KIAA0232: variants seen among roughly 807,000 people sequenced by gnomAD.
KIAA0232 encodes the protein uncharacterized protein KIAA0232.
Under a neutral mutation model 122.0 loss-of-function variants are expected in KIAA0232, and 27 were observed. That is an observed-to-expected ratio of 0.22 (90% CI 0.16 to 0.31). KIAA0232 has a LOEUF of 0.31. KIAA0232 is among the 10% of genes least tolerant of loss of function. KIAA0232 has a pLI of 1.00. For missense variants in KIAA0232, 1,551 were observed against 1,634.2 expected (o/e 0.95, Z 0.88); for synonymous variants, 613 against 587.6 (o/e 1.04, Z -0.63).
chr4:6,847,206 T>C (rs1385630259), intron 4 of KIAA0232, among the ~76,000 whole-genome samples: 1 of 152,228 alleles, frequency 6.6e-6, no homozygotes, highest in Admixed American at 6.5e-5. Context: ...ACCATGCGTG[T>C]ATGTGACTGT....
At chr4:6,826,040 C>T (rs889964333) in intron 3 of KIAA0232, among the ~76,000 whole-genome samples, 4 of 152,066 alleles carry the variant, frequency 2.6e-5, no homozygotes, top group Admixed American at 2.0e-4. Context: ...GCCTTGAACT[C>T]CTGGGCTCAA....
chr4:6,837,492 C>T (rs1719380662), intron 3 of KIAA0232, among the ~76,000 whole-genome samples: 1 of 152,090 alleles, frequency 6.6e-6, no homozygotes, highest in Admixed American at 6.5e-5. Flanking sequence ...CAGAGACGCT[C>T]CTCACTTCCT....
At chr4:6,833,114 G>T (rs1719078767) in intron 3 of KIAA0232, among the ~76,000 whole-genome samples, 2 of 152,168 alleles carry the variant, frequency 1.3e-5, no homozygotes, top group Non-Finnish European at 2.9e-5. Context: ...GCTAGCATCT[G>T]CGGTGTTTCC....
At chr4:6,831,524 C>T (rs1363642058) in intron 3 of KIAA0232, among the ~76,000 whole-genome samples, 1 of 152,158 alleles carries the variant, frequency 6.6e-6, no homozygotes, top group Non-Finnish European at 1.5e-5. Context: ...ATATAGAGAA[C>T]AACCATGGAT....
chr4:6,802,587 G>A (rs542414207), intron 1 of KIAA0232, among the ~76,000 whole-genome samples: 16 of 148,796 alleles, frequency 1.1e-4, no homozygotes, highest in Non-Finnish European at 1.8e-4. Flanking sequence ...GTGTGTGTGT[G>A]TCTTATGTAC....
chr4:6,861,231 T>A lies in KIAA0232; in HGVS notation c.849T>A (p.Ile283=), dbSNP rs202022803. The A allele has an allele frequency of 2.0e-5, 33 of 1,614,102 alleles. No individual in the cohort carries two copies. The highest frequency in any genetic ancestry group is 2.7e-5 in the Non-Finnish European group (32 of 1,180,040). The part of the protein sequence containing the change: ...KQIRHKPEGK[I]RPRSWSSGSS... ...TCCGACATAAACCTGAAGGAAAGATTCGCCCTCGCTCGTGGTCTTCTGGCT... is the reference window on the plus strand; with the variant it reads ...TCCGACATAAACCTGAAGGAAAGATACGCCCTCGCTCGTGGTCTTCTGGCT... The change falls in exon 7 of 10, where the codon ATT becomes ATA. Residue 283 remains isoleucine, a synonymous_variant. Coordinates refer to ENST00000307659, the MANE Select transcript of KIAA0232 (RefSeq NM_014743.3).
chr4:6,878,540 A>T (rs1368560894), intron 9 of KIAA0232, among the ~76,000 whole-genome samples: 1 of 152,236 alleles, frequency 6.6e-6, no homozygotes, highest in Non-Finnish European at 1.5e-5. Flanking sequence ...TCCTCAAGAC[A>T]ATTACAGTCC....
intron 3 of KIAA0232, among the ~76,000 whole-genome samples, chr4:6,830,471 G>A (rs1043066469): frequency 2.1e-5 from 3 of 145,720 alleles, no homozygotes; most frequent in African/African-American, 7.6e-5. Flanking sequence ...GTGCAGGGGC[G>A]ATCTCAGCTC....
intron 1 of KIAA0232, among the ~76,000 whole-genome samples, chr4:6,789,611 A>G (rs889241312): frequency 6.6e-6 from 1 of 152,034 alleles, no homozygotes; most frequent in African/African-American, 2.4e-5. Flanking sequence ...TTCTTTCATT[A>G]ATTTTGTGAC....
chr4:6,865,794 C>T (rs994619907), intron 7 of KIAA0232, among the ~76,000 whole-genome samples: 1 of 152,220 alleles, frequency 6.6e-6, no homozygotes, highest in African/African-American at 2.4e-5. Flanking sequence ...TTCCCTCTCT[C>T]CCCTGCTCCA....
At position 6,859,058 on chromosome 4, in the gene KIAA0232, A is replaced by G. The variant is rs1435829603; in HGVS notation, c.518+552A>G. On this transcript the variant is annotated intron_variant, in intron 6 of 9. Transcript: ENST00000307659. ...GGTTGCAGTGAGCTGAGACTGTGCC[A>G]TTGCACTCCAGCCTGGACGACAGAG... 4.8e-5 allele frequency among the ~76,000 whole-genome samples: 7 copies of G among 147,196 alleles called. No homozygotes were observed. The South Asian group carries it at 1.1e-3, about 23-fold the overall frequency.
chr4:6,863,782 A>C lies in KIAA0232; in HGVS notation c.3400A>C (p.Asn1134His). The C allele has an allele frequency of 6.2e-7, 1 of 1,614,204 alleles. No homozygotes were observed. Among genetic ancestry groups the C allele is most frequent in the Non-Finnish European group, 8.5e-7 (1 of 1,180,024 alleles). ...SEFESEKDEA[N>H]IPIPSQVDIF... ...ATTTGAATCTGAGAAAGATGAAGCA[A>C]ATATTCCCATTCCTTCTCAAGTTGA... The change falls in exon 7 of 10, where the codon AAT becomes CAT. Residue 1134 changes from asparagine to histidine, a missense_variant. This residue lies in a region of KIAA0232 where 1,108 missense variants were observed against 1,154.8 expected (regional missense o/e 0.96). Coordinates refer to ENST00000307659, the MANE Select transcript of KIAA0232 (RefSeq NM_014743.3).
chr4:6,821,216 CT>C (rs1486499362), intron 2 of KIAA0232, among the ~76,000 whole-genome samples: 1 of 152,016 alleles, frequency 6.6e-6, no homozygotes, highest in African/African-American at 2.4e-5. Context: ...TAATTTTTTG[CT>C]TTTTATTTTT....
chr4:6,880,735 T>C, intron 9 of KIAA0232, 52 bp from the exon 10 acceptor site: 1 of 1,309,656 alleles, frequency 7.6e-7, no homozygotes, highest in Non-Finnish European at 1.0e-6. Context: ...TATCTCACCC[T>C]TTTGGGGAAA....
At chr4:6,801,103 C>A (rs1241539386) in intron 1 of KIAA0232, among the ~76,000 whole-genome samples, 1 of 152,180 alleles carries the variant, frequency 6.6e-6, no homozygotes, top group Admixed American at 6.5e-5. Context: ...TTCCCCAAAT[C>A]TTGATGTGTT....
At chr4:6,845,377 A>G (rs543793186) in intron 4 of KIAA0232, among the ~76,000 whole-genome samples, 1 of 152,198 alleles carries the variant, frequency 6.6e-6, no homozygotes, top group East Asian at 1.9e-4. Flanking sequence ...TTTAAAAAAT[A>G]CAGGGACAGG....
intron 2 of KIAA0232, among the ~76,000 whole-genome samples, chr4:6,819,975 A>G (rs1329838052): frequency 6.6e-6 from 1 of 152,206 alleles, no homozygotes; most frequent in African/African-American, 2.4e-5. Flanking sequence ...GGAGGATAAT[A>G]TCCTAAGTGA....
At chr4:6,868,599 G>A (rs1421477630) in intron 7 of KIAA0232, among the ~76,000 whole-genome samples, 6 of 152,166 alleles carry the variant, frequency 3.9e-5, no homozygotes, top group Admixed American at 1.3e-4. Context: ...GAAAGGGAGG[G>A]CAGCACTGAG....
At chr4:6,838,583 C>G (rs1719474781) in intron 3 of KIAA0232, among the ~76,000 whole-genome samples, 1 of 152,132 alleles carries the variant, frequency 6.6e-6, no homozygotes, top group Admixed American at 6.5e-5. Flanking sequence ...ATTCTTAAAA[C>G]TGTACATTTA....
Sources: gnomAD v4.1 joint callset for allele counts (sites outside exome capture counted in the v4.1 genomes callset) on GRCh38, gnomAD v4.1.1 for gene constraint, gnomAD v4.1.1 regional missense constraint, MANE v1.5 for transcripts, NCBI Gene and HGNC (gene_info 2026-07-23, HGNC 2026-07-21) for gene names.